The following CELSR1 variants were observed in gnomAD, a reference collection of about 807,000 sequenced individuals.
CELSR1 encodes adhesion G protein-coupled receptor C1.
In CELSR1, 110 loss-of-function variants were observed where a neutral mutation model predicts 249.1. The observed-to-expected ratio is 0.44, with a 90% confidence interval of 0.38 to 0.52. The LOEUF (loss-of-function observed/expected upper bound fraction) is 0.52. CELSR1 is among the 20% of genes least tolerant of loss of function. CELSR1 has a pLI of 0.00. For missense variants in CELSR1, 4,109 were observed against 4,296.4 expected, an observed-to-expected ratio of 0.96 and a Z score of 1.22; for synonymous variants, 2,113 against 1,900.0, an observed-to-expected ratio of 1.11 and a Z score of -2.92.
At chr22:46,511,478 A>G (rs1393410642) in intron 1 of CELSR1, among the ~76,000 whole-genome samples, 5 of 152,170 alleles carry the variant, frequency 3.3e-5, no homozygotes, top group African/African-American at 1.2e-4. Context: ...CTTCTGCTCT[A>G]TTTCATAACA....
chr22:46,440,219 A>G lies in CELSR1; in HGVS notation c.4184-808T>C, dbSNP rs759611702. Among the ~76,000 whole-genome samples, 25 of 152,032 alleles carry G rather than the reference A, an allele frequency of 1.6e-4. No homozygotes were observed. The highest frequency in any genetic ancestry group is 2.0e-4 in the Admixed American group (3 of 15,274). On this transcript the variant is annotated intron_variant, in intron 2 of 34. Transcript: ENST00000674500. This position sits in a 1 kb window ranked among gnomAD's most constrained non-coding sequence, Gnocchi z 4.7. ...GGGTCTCAGTGTTCGCCATGCTTCG[A>G]CCCAGTTGTTCCTGGACTGGCCGCT...
chr22:46,454,702 T>C lies in CELSR1; in HGVS notation c.4183+9005A>G, dbSNP rs1165496135. Among the ~76,000 whole-genome samples the C allele has an allele frequency of 2.6e-5, 4 of 152,254 alleles. No individual in the cohort carries two copies. The highest frequency in any genetic ancestry group is 4.4e-5 in the Non-Finnish European group (3 of 68,044). On this transcript the variant is annotated intron_variant, in intron 2 of 34. Coordinates refer to ENST00000674500, the MANE Select transcript of CELSR1 (RefSeq NM_001378328.1). This position sits in a 1 kb window ranked among gnomAD's most constrained non-coding sequence, Gnocchi z 5.1. ...CGCGGGAAACCCTCTGCTCCTGCGC[T>C]TAGCGTTCGCAAAGGTAAACACATC...
rs143291524 is a variant in CELSR1, at chr22:46,377,223, G to A, written c.7422C>T (p.Ala2474=). The A allele has an allele frequency of 5.4e-3, 8,680 of 1,614,012 alleles. 46 individuals carry two copies. The highest frequency in any genetic ancestry group is 6.5e-3 in the Non-Finnish European group (7,636 of 1,180,010). The change falls in exon 24 of 35, where the codon GCC becomes GCT. Residue 2474 remains alanine (A), a synonymous_variant. Coordinates refer to ENST00000674500, the MANE Select transcript of CELSR1 (RefSeq NM_001378328.1). ...EVLPLKIVTY[A]AVSLSLAALL... is the part of the protein sequence containing the mutation. ...GGGCTGCCAGTGACAAGGACACAGC[G>A]GCATAGGTGACAATCTTCAGAGGCA...
chr22:46,444,648 G>A (rs1442884529), intron 2 of CELSR1, among the ~76,000 whole-genome samples: 1 of 152,190 alleles, frequency 6.6e-6, no homozygotes, highest in Admixed American at 6.5e-5. Flanking sequence ...GAAAGTAGCT[G>A]TATGTGTTTC....
intron 32 of CELSR1, 38 bp downstream of exon 32, chr22:46,365,193 C>T (rs1238529394): frequency 1.9e-6 from 3 of 1,597,934 alleles, no homozygotes; most frequent in South Asian, 2.2e-5. Context: ...GCCCGCTGTC[C>T]ACAGCCCAGC....
chr22:46,480,927 T>C (rs142874646), intron 1 of CELSR1, among the ~76,000 whole-genome samples: 64 of 152,348 alleles, frequency 4.2e-4, no homozygotes, highest in African/African-American at 1.2e-3. Context: ...TCTTCATTCA[T>C]AAACTTTGCT....
At chr22:46,452,358 C>A (rs1466667001) in intron 2 of CELSR1, among the ~76,000 whole-genome samples, 1 of 152,162 alleles carries the variant, frequency 6.6e-6, no homozygotes, top group Non-Finnish European at 1.5e-5. Flanking sequence ...GCATGAGGAC[C>A]CAGTGTGCCA....
intron 1 of CELSR1, among the ~76,000 whole-genome samples, chr22:46,514,716 A>G (rs565303501): frequency 6.6e-6 from 1 of 152,304 alleles, no homozygotes; most frequent in East Asian, 1.9e-4. Flanking sequence ...GCCGAGGCTC[A>G]CGGCTGGGCT....
chr22:46,373,356 T>A (rs1469187628), intron 24 of CELSR1, among the ~76,000 whole-genome samples: 1 of 147,070 alleles, frequency 6.8e-6, no homozygotes, highest in Non-Finnish European at 1.5e-5. Context: ...CAGTCCCACA[T>A]GCCCCGGAAC....
chr22:46,522,512 CTCA>C, intron 1 of CELSR1, among the ~76,000 whole-genome samples: 1 of 152,286 alleles, frequency 6.6e-6, no homozygotes, highest in East Asian at 1.9e-4. Context: ...AAGTCCTTTG[CTCA>C]TTTTTTAATT....
rs914471283 is a variant in CELSR1 at position 46,446,069 on chromosome 22, C to A, written c.4184-6658G>T. On this transcript the variant is annotated intron_variant, in intron 2 of 34. Transcript: ENST00000674500. This position sits in a 1 kb window ranked among gnomAD's most constrained non-coding sequence, Gnocchi z 5.5. ...GTCAGTCCCACTGGCTAGACTCCCA[C>A]TGCTCCATAAAGACCCCAGCCTAAG... is the stretch of plus-strand genomic sequence containing the variant. Among the ~76,000 whole-genome samples, 6 of 152,192 alleles carry A rather than the reference C, an allele frequency of 3.9e-5. No homozygotes were observed. The highest frequency in any genetic ancestry group is 1.4e-4 in the African/African-American group (6 of 41,446).
chr22:46,364,497 G>C lies in CELSR1; in HGVS notation c.8779+15C>G. 1 of 1,601,356 alleles carries C rather than the reference G, an allele frequency of 6.2e-7. No homozygotes were observed. The highest frequency in any genetic ancestry group is 1.1e-5 in the South Asian group (1 of 90,242). On this transcript the variant is annotated intron_variant, in intron 33 of 34. Transcript: ENST00000674500. ...TCCTCCAGCCTTTCACTGCAGCCCC[G>C]GCCTCCCCAGGCACCTTTCCTCTGC...
At chr22:46,369,440 A>G (rs1181950066) in intron 26 of CELSR1, among the ~76,000 whole-genome samples, 182 bp from the exon 27 acceptor site, 1 of 152,210 alleles carries the variant, frequency 6.6e-6, no homozygotes, top group Non-Finnish European at 1.5e-5. Flanking sequence ...CACCACACCC[A>G]GCCTGCCTGT....
chr22:46,477,513 G>A (rs1252746178), intron 1 of CELSR1, among the ~76,000 whole-genome samples: 1 of 84,288 alleles, frequency 1.2e-5, no homozygotes, highest in Admixed American at 1.4e-4. Flanking sequence ...TGTTTTATTG[G>A]CTTTTTTTTT....
intron 1 of CELSR1, among the ~76,000 whole-genome samples, chr22:46,515,285 T>C (rs1029664916): frequency 2.6e-5 from 4 of 152,176 alleles, no homozygotes; most frequent in African/African-American, 9.7e-5. Flanking sequence ...TGGGGAGAGC[T>C]GCACAGCTGT....
chr22:46,404,605 G>A (rs750488211), intron 9 of CELSR1, among the ~76,000 whole-genome samples: 4 of 151,940 alleles, frequency 2.6e-5, no homozygotes, highest in Non-Finnish European at 2.9e-5. Context: ...TGGGTTTTTG[G>A]TGGGGGAGGG....
rs76955646 is a variant in CELSR1 at position 46,367,860 on chromosome 22, G to A, written c.7953-5C>T. ...AATGCGGTCCTCAGCAGGGAGCTGC[G>A]GGAGGGCAGGATCAGGCCTGTGCCC... On this transcript the variant is annotated splice_polypyrimidine_tract_variant and splice_region_variant and intron_variant, in intron 27 of 34. Transcript: ENST00000674500. 0.076 allele frequency: 122,910 copies of A among 1,607,462 alleles called. 5,300 individuals are homozygous for A. The highest frequency in any genetic ancestry group is 0.089 in the Non-Finnish European group (104,313 of 1,178,482).
intron 19 of CELSR1, among the ~76,000 whole-genome samples, chr22:46,385,738 C>T (rs920406778): frequency 6.7e-6 from 1 of 148,500 alleles, no homozygotes; most frequent in Non-Finnish European, 1.5e-5. Flanking sequence ...AGTGCAGTGG[C>T]ATGATCTCGG....
intron 2 of CELSR1, among the ~76,000 whole-genome samples, chr22:46,449,952 G>GCACTCACATGCTCAAACA (rs2079864186): frequency 6.6e-6 from 1 of 150,730 alleles, no homozygotes; most frequent in African/African-American, 2.5e-5. Context: ...TCACATGCAC[G>GCACTCACATGCTCAAACA]CACTCACATG....
Sources: gnomAD v4.1 joint callset for allele counts (sites outside exome capture counted in the v4.1 genomes callset) on GRCh38, gnomAD v4.1.1 for gene constraint, Gnocchi (gnomAD v3.1) non-coding constraint, MANE v1.5 for transcripts, NCBI Gene and HGNC (gene_info 2026-07-23, HGNC 2026-07-21) for gene names.